Variants in VWA8 observed in about 807,000 individuals in gnomAD.
VWA8 encodes the protein von Willebrand factor A domain containing 8.
Under a neutral mutation model 241.5 loss-of-function variants are expected in VWA8, and 221 were observed. The observed-to-expected ratio is 0.91, with a 90% CI of 0.82 to 1.02. VWA8 has a LOEUF of 1.02. Among genes scored for constraint, VWA8 ranks in the 50% least tolerant of loss-of-function variants. The probability of loss-of-function intolerance (pLI) is 0.00; values close to 1 mark genes in which losing one functional copy is unlikely to be tolerated. For missense variants in VWA8, 2,322 were observed against 2,328.7 expected, an observed-to-expected ratio of 1.00 and a Z score of 0.06; for synonymous variants, 852 against 827.1, an observed-to-expected ratio of 1.03 and a Z score of -0.52.
In VWA8 at chr13:41,776,540, ATTG is replaced by A. The variant is rs1174641070; in HGVS notation, c.2349+1442_2349+1444del. ...GGAATTAAAGGGTCATAAATAATTTATTGTTCTAGTTTTAATTCTTGTTTTAAA... is the reference window on the plus strand; with the variant it reads ...GGAATTAAAGGGTCATAAATAATTTATTCTAGTTTTAATTCTTGTTTTAAA... On this transcript the variant is annotated intron_variant, in intron 20 of 44. Coordinates refer to ENST00000379310, the MANE Select transcript of VWA8 (RefSeq NM_015058.2). 3.9e-5 allele frequency among the ~76,000 whole-genome samples: 6 copies of A among 152,204 alleles called. No individual in the cohort carries two copies. In the East Asian group the frequency reaches 1.2e-3, roughly 29 times the overall value.
chr13:41,780,687 G>A (rs1478991831), intron 19 of VWA8, among the ~76,000 whole-genome samples: 1 of 152,104 alleles, frequency 6.6e-6, no homozygotes, highest in African/African-American at 2.4e-5. Flanking sequence ...TTACAGTACT[G>A]ACACTTCTTT....
At chr13:41,732,225 A>C (rs2045490569) in intron 21 of VWA8, 70 bp from the exon 22 acceptor site, 4 of 1,411,508 alleles carry the variant, frequency 2.8e-6, no homozygotes, top group Non-Finnish European at 3.9e-6. Context: ...ATAAAAATAC[A>C]GCACAGGTGC....
intron 1 of VWA8, 69 bp downstream of exon 1, chr13:41,960,784 C>T: frequency 4.1e-6 from 6 of 1,455,906 alleles, no homozygotes; most frequent in Non-Finnish European, 5.4e-6. Flanking sequence ...AGAGGAGGGG[C>T]GGGGGCGCGC....
rs138197974 is a variant in VWA8 at position 41,808,065 on chromosome 13, T to C, written c.2063+3160A>G. 170 of 152,224 alleles carry C rather than the reference T, an allele frequency of 1.1e-3. 2 individuals carry two copies. The highest frequency in any genetic ancestry group is 3.9e-3 in the African/African-American group (164 of 41,528). 9.4% of individuals were successfully genotyped at this position (152,224 alleles called of 1,614,324 possible). ...CCAACAAACAAAAAACAGGAGTCACTATACTTATATCAGACAAAATAGACT... is the reference window on the plus strand; with the variant it reads ...CCAACAAACAAAAAACAGGAGTCACCATACTTATATCAGACAAAATAGACT... On this transcript the variant is annotated intron_variant, in intron 17 of 44. Coordinates refer to ENST00000379310, the MANE Select transcript of VWA8 (RefSeq NM_015058.2).
chr13:41,955,382 A>G (rs2138171858), intron 1 of VWA8, among the ~76,000 whole-genome samples: 1 of 152,346 alleles, frequency 6.6e-6, no homozygotes, highest in South Asian at 2.1e-4. Flanking sequence ...GCTCCTGTTA[A>G]GAAGTACACT....
intron 42 of VWA8, among the ~76,000 whole-genome samples, chr13:41,585,299 CATCGGAATGGCACCCTGAACACTAG>C (rs1399979308): frequency 6.6e-6 from 1 of 152,196 alleles, no homozygotes; most frequent in East Asian, 1.9e-4. Context: ...TCCCTGGAGG[CATCGGAATGGCACCCTGAACACTAG>C]TAACTTTGCC....
intron 17 of VWA8, among the ~76,000 whole-genome samples, chr13:41,794,343 C>T (rs1470570465): frequency 1.3e-5 from 2 of 152,186 alleles, no homozygotes; most frequent in Admixed American, 6.5e-5. Flanking sequence ...TTGAAGAGGT[C>T]CTTCAATTCC....
intron 39 of VWA8, among the ~76,000 whole-genome samples, chr13:41,609,755 G>A (rs2044575370): frequency 1.3e-5 from 2 of 151,790 alleles, no homozygotes; most frequent in African/African-American, 2.4e-5. Context: ...TTTCTCACAC[G>A]CTTGGCCAAC....
intron 21 of VWA8, among the ~76,000 whole-genome samples, chr13:41,756,675 A>G (rs568686260): frequency 2.3e-4 from 35 of 151,850 alleles, no homozygotes; most frequent in Non-Finnish European, 3.8e-4. Context: ...TCTCATAAAA[A>G]GTGACTTCCT....
At chr13:41,950,562 G>A (rs939300971) in intron 1 of VWA8, among the ~76,000 whole-genome samples, 8 of 151,076 alleles carry the variant, frequency 5.3e-5, no homozygotes, top group Admixed American at 4.6e-4. Context: ...TAGAGACGGG[G>A]TTTCACCATG....
intron 12 of VWA8, among the ~76,000 whole-genome samples, chr13:41,840,828 T>G (rs1871965263): frequency 1.3e-5 from 2 of 151,716 alleles, no homozygotes; most frequent in African/African-American, 4.8e-5. Context: ...GCACCACAAT[T>G]CTTGATAATA....
chr13:41,571,791 G>A (rs1006157285), intron 43 of VWA8, among the ~76,000 whole-genome samples: 7 of 152,126 alleles, frequency 4.6e-5, no homozygotes, highest in East Asian at 1.9e-4. Flanking sequence ...AGTGAGGAGC[G>A]TCTCTGCCTG....
At chr13:41,604,954 G>A (rs190422546) in intron 40 of VWA8, among the ~76,000 whole-genome samples, 1 of 152,188 alleles carries the variant, frequency 6.6e-6, no homozygotes, top group East Asian at 1.9e-4. Context: ...GCAAGGGGAG[G>A]GCAGAAAGAG....
intron 9 of VWA8, among the ~76,000 whole-genome samples, chr13:41,881,260 C>T (rs1296750489): frequency 4.0e-5 from 6 of 150,622 alleles, no homozygotes; most frequent in Non-Finnish European, 8.8e-5. Flanking sequence ...ATGGTCCAGG[C>T]TCATCTTCTG....
At chr13:41,910,594 A>C (rs1270268778) in intron 3 of VWA8, among the ~76,000 whole-genome samples, 1 of 148,982 alleles carries the variant, frequency 6.7e-6, no homozygotes, top group Non-Finnish European at 1.5e-5. Flanking sequence ...AAAAAAAACA[A>C]AAAAAAAAAA....
At chr13:41,864,048 C>T (rs1425977490) in intron 12 of VWA8, among the ~76,000 whole-genome samples, 1 of 149,228 alleles carries the variant, frequency 6.7e-6, no homozygotes, top group Non-Finnish European at 1.5e-5. Context: ...CCAGTAAGTA[C>T]ATGAAAAAGA....
At chr13:41,742,677 T>C (rs1168019986) in intron 21 of VWA8, among the ~76,000 whole-genome samples, 1 of 152,222 alleles carries the variant, frequency 6.6e-6, no homozygotes, top group African/African-American at 2.4e-5. Context: ...CGATACACTT[T>C]ATTATTTGTG....
chr13:41,891,692 C>T lies in VWA8; in HGVS notation c.484-105G>A, dbSNP rs116444606. 2,423 of 1,213,610 alleles carry T rather than the reference C, an allele frequency of 2.0e-3. 50 individuals carry two copies. In the African/African-American group the frequency reaches 0.031, roughly 15 times the overall value. 75.2% of individuals were successfully genotyped at this position (1,213,610 alleles called of 1,614,324 possible). On this transcript the variant is annotated intron_variant, in intron 4 of 44. Transcript: ENST00000379310. Reference sequence around the variant, plus strand: ...TAAGTTGCAGTTCTTGTTATAGGGACCAGAAATCAATAAAGCTGAGTTCCA... The same window carrying T: ...TAAGTTGCAGTTCTTGTTATAGGGATCAGAAATCAATAAAGCTGAGTTCCA...
chr13:41,856,340 A>G (rs1330963852), intron 12 of VWA8, among the ~76,000 whole-genome samples: 1 of 150,084 alleles, frequency 6.7e-6, no homozygotes, highest in African/African-American at 2.5e-5. Flanking sequence ...TGATCAAAAC[A>G]AAACAAAACA....
Sources: allele counts gnomAD v4.1 joint callset (sites outside exome capture counted in the v4.1 genomes callset), GRCh38; gene constraint gnomAD v4.1.1; transcripts MANE v1.5; gene names NCBI Gene and HGNC (gene_info 2026-07-23, HGNC 2026-07-21).